Variants in FGD4 observed in about 807,000 individuals in gnomAD.
FGD4 encodes the protein FYVE, RhoGEF and PH domain-containing protein 4.
FGD4 carries 42 observed loss-of-function variants against 102.0 expected under a neutral mutation model. That is an observed-to-expected ratio of 0.41 (90% CI 0.32 to 0.53). The LOEUF is 0.53. Ranked by LOEUF, FGD4 falls within the 20% of genes least tolerant of loss-of-function variation. FGD4 has a pLI of 0.21. For synonymous variants in FGD4, 380 were observed against 375.7 expected (o/e 1.01, Z -0.13); for missense variants, 902 against 1,078.2 (o/e 0.84, Z 2.29).
intron 7 of FGD4, among the ~76,000 whole-genome samples, chr12:32,606,306 C>T (rs1016589178): frequency 2.0e-5 from 3 of 152,090 alleles, no homozygotes; most frequent in Non-Finnish European, 4.4e-5. Context: ...CCCCCGTCCC[C>T]CTAAAGCCAC....
intron 1 of FGD4, among the ~76,000 whole-genome samples, chr12:32,466,758 C>A (rs1223213128): frequency 6.6e-6 from 1 of 150,700 alleles, no homozygotes; most frequent in Non-Finnish European, 1.5e-5. Context: ...ATCCCAGATA[C>A]TCGGGAGGCT....
chr12:32,417,680 A>G (rs932780544), intron 1 of FGD4, among the ~76,000 whole-genome samples: 2 of 151,814 alleles, frequency 1.3e-5, no homozygotes, highest in African/African-American at 2.4e-5. Context: ...CTGGTCTCCA[A>G]CGCCAGGCTT....
intron 1 of FGD4, among the ~76,000 whole-genome samples, chr12:32,482,255 A>G (rs1943788472): frequency 6.6e-6 from 1 of 152,208 alleles, no homozygotes; most frequent in Non-Finnish European, 1.5e-5. Context: ...TTCCATAATC[A>G]CAATATAGCA....
chr12:32,473,904 G>A (rs573905086), intron 1 of FGD4, among the ~76,000 whole-genome samples: 28 of 152,144 alleles, frequency 1.8e-4, no homozygotes, highest in African/African-American at 5.8e-4. Flanking sequence ...TGGCTAACAT[G>A]GTGAAACCCT....
chr12:32,442,529 G>A (rs1159919649), intron 1 of FGD4, among the ~76,000 whole-genome samples: 1 of 147,490 alleles, frequency 6.8e-6, no homozygotes, highest in Non-Finnish European at 1.5e-5. Flanking sequence ...TTTCTATTCT[G>A]CCATCTTGCT....
chr12:32,477,692 C>G (rs1943617313), intron 1 of FGD4, among the ~76,000 whole-genome samples: 1 of 151,814 alleles, frequency 6.6e-6, no homozygotes, highest in South Asian at 2.1e-4. Context: ...AGAAAGAGTC[C>G]CCTTCCACAC....
At chr12:32,473,117 A>G (rs2136524096) in intron 1 of FGD4, among the ~76,000 whole-genome samples, 1 of 152,010 alleles carries the variant, frequency 6.6e-6, no homozygotes, top group East Asian at 1.9e-4. Context: ...CTTTGTATCT[A>G]GCTCAGGGAT....
intron 1 of FGD4, among the ~76,000 whole-genome samples, chr12:32,553,157 C>T (rs919436747): frequency 6.6e-6 from 1 of 151,876 alleles, no homozygotes; most frequent in African/African-American, 2.4e-5. Context: ...ATGGCCATCC[C>T]GAGAGTGGTG....
intron 4 of FGD4, among the ~76,000 whole-genome samples, chr12:32,588,604 G>A (rs1335415974): frequency 8.9e-6 from 1 of 112,120 alleles, no homozygotes; most frequent in Non-Finnish European, 1.7e-5. Context: ...CTTGGAGCTT[G>A]GAGAAGGTGC....
chr12:32,632,611 T>C (rs1344222813), intron 14 of FGD4, among the ~76,000 whole-genome samples: 1 of 152,174 alleles, frequency 6.6e-6, no homozygotes, highest in Non-Finnish European at 1.5e-5. Context: ...GTTGGTTCTT[T>C]AGCCAAGAGC....
chr12:32,422,135 C>G (rs917299111), intron 1 of FGD4, among the ~76,000 whole-genome samples: 10 of 144,218 alleles, frequency 6.9e-5, no homozygotes, highest in Admixed American at 6.4e-4. Context: ...CAGAATGAGA[C>G]TCTGTCTCAA....
intron 1 of FGD4, among the ~76,000 whole-genome samples, chr12:32,454,211 A>G (rs558833236): frequency 1.8e-4 from 28 of 152,334 alleles, no homozygotes; most frequent in African/African-American, 6.7e-4. Context: ...TCTTTTCTCT[A>G]ACATTCACAC....
chr12:32,419,523 G>A (rs1239304885), intron 1 of FGD4, among the ~76,000 whole-genome samples: 1 of 152,200 alleles, frequency 6.6e-6, no homozygotes, highest in Non-Finnish European at 1.5e-5. Flanking sequence ...GCCACTGCTG[G>A]GGATGGGGGA....
chr12:32,433,084 C>T (rs979637166), intron 1 of FGD4, among the ~76,000 whole-genome samples: 2 of 151,994 alleles, frequency 1.3e-5, no homozygotes, highest in Non-Finnish European at 1.5e-5. Flanking sequence ...GCAACCTCCA[C>T]CTCCCTGGTT....
At chr12:32,578,419 G>T (rs1946307375) in intron 3 of FGD4, among the ~76,000 whole-genome samples, 2 of 152,076 alleles carry the variant, frequency 1.3e-5, no homozygotes, top group African/African-American at 4.8e-5. Flanking sequence ...CCTTATGAGA[G>T]CTTAGACTAG....
intron 4 of FGD4, among the ~76,000 whole-genome samples, chr12:32,587,187 C>CAAA (rs1181469038): frequency 0.031 from 2,048 of 66,050 alleles, 76 homozygotes; most frequent in African/African-American, 0.063. Context: ...GAGACTCTCT[C>CAAA]AAAAAAAAAA....
intron 1 of FGD4, among the ~76,000 whole-genome samples, chr12:32,432,217 G>T (rs889911648): frequency 3.3e-5 from 5 of 151,710 alleles, no homozygotes; most frequent in African/African-American, 1.2e-4. Flanking sequence ...CCACCACCAT[G>T]CCCAGCTAAT....
At chr12:32,614,681 A>T (rs138371282) in intron 10 of FGD4, among the ~76,000 whole-genome samples, 1 of 152,284 alleles carries the variant, frequency 6.6e-6, no homozygotes, top group South Asian at 2.1e-4. Context: ...CAGTCCTCTG[A>T]CTTCTTTTTG....
chr12:32,508,515 G>A (rs546901751), intron 1 of FGD4, among the ~76,000 whole-genome samples: 1 of 152,246 alleles, frequency 6.6e-6, no homozygotes, highest in African/African-American at 2.4e-5. Context: ...AGATTCTAAA[G>A]CCAGCACAGA....
Sources: allele counts gnomAD v4.1 joint callset (sites outside exome capture counted in the v4.1 genomes callset), GRCh38; gene constraint gnomAD v4.1.1; transcripts MANE v1.5; gene names NCBI Gene and HGNC (gene_info 2026-07-23, HGNC 2026-07-21).